The following ACCSL variants were observed in gnomAD, a reference collection of about 807,000 sequenced individuals.
ACCSL encodes probable inactive 1-aminocyclopropane-1-carboxylate synthase-like protein 2.
In ACCSL, 55 loss-of-function variants were observed where a neutral mutation model predicts 61.7. The ratio of observed to expected loss-of-function variants is 0.89; its 90% CI spans 0.72 to 1.12. The LOEUF is 1.12. Among genes scored for constraint, ACCSL ranks in the 50% most tolerant of loss-of-function variants. The probability of loss-of-function intolerance (pLI) is 0.00; values close to 1 mark genes in which losing one functional copy is unlikely to be tolerated. For missense variants in ACCSL, 632 were observed against 698.0 expected (o/e 0.91, Z 1.07); for synonymous variants, 258 against 264.3 (o/e 0.98, Z 0.23).
the ACCSL span, among the ~76,000 whole-genome samples, chr11:43,989,888 A>C: frequency 3.3e-5 from 5 of 152,352 alleles, no homozygotes; most frequent in Admixed American, 3.3e-4. Flanking sequence ...GCCACCCAGA[A>C]CGCTGGCGGC....
chr11:43,963,120 C>T, the ACCSL span, among the ~76,000 whole-genome samples: 2 of 152,190 alleles, frequency 1.3e-5, no homozygotes, highest in Non-Finnish European at 2.9e-5. Flanking sequence ...GAGGTCTATG[C>T]ATCAGATACA....
the ACCSL span, among the ~76,000 whole-genome samples, chr11:43,961,496 C>T: frequency 3.3e-5 from 5 of 152,210 alleles, no homozygotes; most frequent in African/African-American, 7.2e-5. Flanking sequence ...AGGTCTGTGA[C>T]GTAAAGATGC....
chr11:44,032,628 T>G, the ACCSL span, among the ~76,000 whole-genome samples: 2 of 152,090 alleles, frequency 1.3e-5, no homozygotes, highest in African/African-American at 4.8e-5. Flanking sequence ...TGGGAAAACA[T>G]AGCAGAGTGG....
At chr11:43,983,133 G>A in the ACCSL span, among the ~76,000 whole-genome samples, 8 of 152,308 alleles carry the variant, frequency 5.3e-5, no homozygotes, top group African/African-American at 1.4e-4. Context: ...CCACAGCCTT[G>A]CGTGCCCTAT....
At chr11:43,996,602 G>A in the ACCSL span, among the ~76,000 whole-genome samples, 4 of 152,206 alleles carry the variant, frequency 2.6e-5, no homozygotes, top group African/African-American at 9.7e-5. Context: ...TTTTGGTAAA[G>A]ACACAAGTGT....
chr11:43,927,742 C>A, the ACCSL span, among the ~76,000 whole-genome samples: 1 of 152,204 alleles, frequency 6.6e-6, no homozygotes, highest in Non-Finnish European at 1.5e-5. Flanking sequence ...ATTTATCCAC[C>A]TGCCAGTGGT....
intron 11 of ACCSL, 61 bp from the exon 12 acceptor site, chr11:44,058,256 G>T (rs1258025108): frequency 1.3e-6 from 2 of 1,563,942 alleles, no homozygotes; most frequent in African/African-American, 2.7e-5. Flanking sequence ...CATTTGGGAA[G>T]GAACTCTCGG....
chr11:43,979,184 T>C, the ACCSL span, among the ~76,000 whole-genome samples: 1 of 152,070 alleles, frequency 6.6e-6, no homozygotes, highest in Non-Finnish European at 1.5e-5. Flanking sequence ...TTTTAAAAAT[T>C]AGCCAGTGGT....
the ACCSL span, among the ~76,000 whole-genome samples, chr11:43,955,822 C>A: frequency 1.3e-5 from 2 of 152,072 alleles, no homozygotes; most frequent in Admixed American, 1.3e-4. Context: ...ACAATTCAAG[C>A]TCCTCTTCCT....
chr11:43,960,849 G>A, the ACCSL span, among the ~76,000 whole-genome samples: 8 of 150,954 alleles, frequency 5.3e-5, no homozygotes, highest in African/African-American at 1.2e-4. Context: ...ATGGAGGTTC[G>A]CTCTTGTCAC....
the ACCSL span, among the ~76,000 whole-genome samples, chr11:43,936,610 C>T: frequency 4.6e-5 from 7 of 152,128 alleles, no homozygotes; most frequent in Non-Finnish European, 1.0e-4. Flanking sequence ...TTTCCAGGTG[C>T]GGAAGGCCCA....
chr11:43,994,612 G>T, the ACCSL span, among the ~76,000 whole-genome samples: 2 of 142,998 alleles, frequency 1.4e-5, no homozygotes, highest in African/African-American at 5.5e-5. Flanking sequence ...GGTAAAAGGG[G>T]TGTTACTAAA....
At chr11:44,035,186 C>T in the ACCSL span, among the ~76,000 whole-genome samples, 6 of 152,176 alleles carry the variant, frequency 3.9e-5, no homozygotes, top group South Asian at 8.3e-4. Flanking sequence ...TTCTTCACAG[C>T]ACTTACCCAA....
chr11:43,981,939 A>G, the ACCSL span, among the ~76,000 whole-genome samples: 3 of 152,220 alleles, frequency 2.0e-5, no homozygotes, highest in Non-Finnish European at 2.9e-5. Flanking sequence ...GAAAGCTCAG[A>G]GTGTATCATC....
the ACCSL span, among the ~76,000 whole-genome samples, chr11:43,934,603 C>T: frequency 1.3e-5 from 2 of 152,308 alleles, no homozygotes; most frequent in East Asian, 3.9e-4. Context: ...AACTCTGAGA[C>T]CCACTCTAGG....
the ACCSL span, among the ~76,000 whole-genome samples, chr11:43,928,976 C>T: frequency 1.3e-5 from 2 of 152,212 alleles, no homozygotes; most frequent in Non-Finnish European, 2.9e-5. Context: ...TGCCAGCAAC[C>T]AGCCAGGCAG....
At chr11:43,929,553 C>T in the ACCSL span, among the ~76,000 whole-genome samples, 1 of 152,190 alleles carries the variant, frequency 6.6e-6, no homozygotes, top group Middle Eastern at 3.4e-3. Context: ...ATTACAGGCA[C>T]CTGCCACCAC....
intron 13 of ACCSL, 96 bp downstream of exon 13, chr11:44,058,795 G>A (rs1952688758): frequency 1.4e-6 from 2 of 1,403,718 alleles, no homozygotes; most frequent in Non-Finnish European, 1.9e-6. Flanking sequence ...TATAGATCTA[G>A]CCCTTTATTC....
the ACCSL span, among the ~76,000 whole-genome samples, chr11:43,965,304 CA>C: frequency 0.15 from 22,165 of 152,044 alleles, 1,779 homozygotes; most frequent in Middle Eastern, 0.35. Context: ...TATATAATAA[CA>C]ATGAACAATC....
Sources: gnomAD v4.1 joint callset for allele counts (sites outside exome capture counted in the v4.1 genomes callset) on GRCh38, gnomAD v4.1.1 for gene constraint, MANE v1.5 for transcripts, NCBI Gene and HGNC (gene_info 2026-07-23, HGNC 2026-07-21) for gene names.